Variants in DPP6 observed in about 807,000 individuals in gnomAD.
The protein encoded by DPP6 is dipeptidyl peptidase like 6, also known as A-type potassium channel modulatory protein DPP6.
Under a neutral mutation model 122.6 loss-of-function variants are expected in DPP6, and 69 were observed. The ratio of observed to expected loss-of-function variants is 0.56; its 90% CI spans 0.46 to 0.69. DPP6 has a LOEUF of 0.69. DPP6 is among the 30% of genes least tolerant of loss of function. The pLI is 0.00. For missense variants in DPP6, 928 were observed against 1,116.9 expected (o/e 0.83, Z 2.41); for synonymous variants, 418 against 433.1 (o/e 0.97, Z 0.43).
chr7:154,349,915 A>G (rs1295441483), intron 1 of DPP6, among the ~76,000 whole-genome samples: 7 of 152,242 alleles, frequency 4.6e-5, no homozygotes, highest in Non-Finnish European at 7.3e-5. Flanking sequence ...TATTTTTCAC[A>G]TGGGTAATCC....
chr7:154,135,740 G>A (rs2150646396), intron 1 of DPP6, among the ~76,000 whole-genome samples: 1 of 150,408 alleles, frequency 6.6e-6, no homozygotes, highest in South Asian at 2.1e-4. Context: ...CTTATTCTGA[G>A]CACACACTTC....
intron 5 of DPP6, among the ~76,000 whole-genome samples, chr7:154,584,671 G>T (rs1210353194): frequency 3.3e-5 from 5 of 152,212 alleles, no homozygotes; most frequent in Admixed American, 6.5e-5. Flanking sequence ...ATGCACTTCT[G>T]TTAAGCTGTG....
Position 154,618,259 on chromosome 7 carries a change from G to A in DPP6, c.628-19562G>A, listed in dbSNP as rs1481589623. 6.6e-6 allele frequency among the ~76,000 whole-genome samples: 1 copy of A among 152,112 alleles called. No individual in the cohort carries two copies. The highest frequency in any genetic ancestry group is 1.5e-5 in the Non-Finnish European group (1 of 68,032). On this transcript the variant is annotated intron_variant, in intron 5 of 25. Transcript: ENST00000377770. This position sits in a 1 kb window ranked among gnomAD's most constrained non-coding sequence, Gnocchi z 4.1. ...ATTTTGCCCCTAATGGGTTTCCAGG[G>A]TCGTGTCCTTTCCCAACCCCTGAGG...
chr7:154,527,511 C>A (rs1827500333), intron 3 of DPP6, among the ~76,000 whole-genome samples: 1 of 151,950 alleles, frequency 6.6e-6, no homozygotes, highest in Non-Finnish European at 1.5e-5. Flanking sequence ...TCAGAACATA[C>A]ATAAATACAA....
chr7:154,126,670 C>T (rs979457277), intron 1 of DPP6, among the ~76,000 whole-genome samples: 2 of 151,314 alleles, frequency 1.3e-5, no homozygotes, highest in African/African-American at 4.9e-5. Flanking sequence ...TTGCTGCATG[C>T]TTCAGTCTCT....
At chr7:154,005,710 T>C (rs1241410357) in intron 1 of DPP6, among the ~76,000 whole-genome samples, 3 of 7,926 alleles carry the variant, frequency 3.8e-4, no homozygotes, top group South Asian at 6.4e-3. Flanking sequence ...TGGGGGGCTG[T>C]GGGGGCTGGG....
intron 2 of DPP6, 73 bp downstream of exon 2, chr7:154,446,401 T>C: frequency 1.9e-6 from 2 of 1,026,148 alleles, no homozygotes; most frequent in Non-Finnish European, 2.9e-6. Context: ...GCAATTTTTT[T>C]CTAAGTAACT....
At chr7:154,683,467 A>G (rs1373648020) in intron 7 of DPP6, among the ~76,000 whole-genome samples, 1 of 152,186 alleles carries the variant, frequency 6.6e-6, no homozygotes, top group Non-Finnish European at 1.5e-5. Flanking sequence ...CTTTCTTGGT[A>G]TCATGAAAAT....
intron 17 of DPP6, 42 bp from the exon 18 acceptor site, chr7:154,867,953 T>C (rs183997652): frequency 1.9e-6 from 3 of 1,551,062 alleles, no homozygotes; most frequent in Non-Finnish European, 2.6e-6. Flanking sequence ...CCTCCATGAG[T>C]GACCACTGCA....
At chr7:154,255,998 AAC>A (rs147833318) in intron 1 of DPP6, among the ~76,000 whole-genome samples, 12,154 of 152,262 alleles carry the variant, frequency 0.08, 912 homozygotes, top group African/African-American at 0.2. Flanking sequence ...AATATGTGAA[AAC>A]ACACTATGAA....
chr7:154,587,284 C>T (rs1832518374), intron 5 of DPP6: 1 of 293,240 alleles, frequency 3.4e-6, no homozygotes, highest in Non-Finnish European at 6.5e-6. Context: ...GGTGGCTGCT[C>T]TCATCCTGAC....
At chr7:154,667,188 C>T (rs1362436800) in intron 6 of DPP6, among the ~76,000 whole-genome samples, 1 of 151,130 alleles carries the variant, frequency 6.6e-6, no homozygotes, top group Non-Finnish European at 1.5e-5. Context: ...TTTTTTATAA[C>T]CACATTTTTC....
intron 8 of DPP6, among the ~76,000 whole-genome samples, chr7:154,753,939 C>T (rs1843530834): frequency 6.6e-6 from 1 of 152,142 alleles, no homozygotes; most frequent in Admixed American, 6.5e-5. Flanking sequence ...AAGGCCGGCT[C>T]TTGTTCTTTG....
intron 1 of DPP6, among the ~76,000 whole-genome samples, chr7:154,162,110 CTTGGGTTCA>C (rs1276768545): frequency 1.4e-5 from 2 of 145,254 alleles, no homozygotes; most frequent in Non-Finnish European, 3.0e-5. Context: ...GGAAAATGCA[CTTGGGTTCA>C]TCTCGAAACT....
chr7:154,610,603 T>G (rs746401482), intron 5 of DPP6, among the ~76,000 whole-genome samples: 2 of 152,184 alleles, frequency 1.3e-5, no homozygotes, highest in East Asian at 3.8e-4. Flanking sequence ...CTGTCTTTGA[T>G]AGTGAGGTCT....
the DPP6 span, among the ~76,000 whole-genome samples, chr7:153,799,555 C>T: frequency 2.0e-5 from 3 of 152,170 alleles, no homozygotes; most frequent in South Asian, 2.1e-4. Context: ...CTGTCCTGAT[C>T]ACCTAAGAAG....
intron 5 of DPP6, among the ~76,000 whole-genome samples, chr7:154,570,243 A>T (rs1831027066): frequency 6.6e-6 from 1 of 151,952 alleles, no homozygotes; most frequent in South Asian, 2.1e-4. Context: ...ACATCCTGAG[A>T]ATAAGAGTTG....
At chr7:154,243,924 A>G (rs1801812056) in intron 1 of DPP6, among the ~76,000 whole-genome samples, 1 of 152,178 alleles carries the variant, frequency 6.6e-6, no homozygotes, top group African/African-American at 2.4e-5. Flanking sequence ...AACTAGCAGG[A>G]CAGCATCCAT....
intron 1 of DPP6, among the ~76,000 whole-genome samples, chr7:154,074,043 G>GTATGTATC (rs1554453882): frequency 3.0e-4 from 44 of 148,358 alleles, no homozygotes; most frequent in South Asian, 2.1e-3. Flanking sequence ...ATGTATGTAA[G>GTATGTATC]TATCTATCTA....
Sources: allele counts gnomAD v4.1 joint callset (sites outside exome capture counted in the v4.1 genomes callset), GRCh38; gene constraint gnomAD v4.1.1; non-coding constraint Gnocchi (gnomAD v3.1); transcripts MANE v1.5; gene names NCBI Gene and HGNC (gene_info 2026-07-23, HGNC 2026-07-21).